INPP4B: variants seen among roughly 807,000 people sequenced by gnomAD.
INPP4B encodes the protein inositol polyphosphate-4-phosphatase type II B.
A neutral mutation model predicts 122.5 loss-of-function variants in INPP4B; 55 were observed. The observed-to-expected ratio is 0.45, with a 90% CI of 0.36 to 0.56. The LOEUF (loss-of-function observed/expected upper bound fraction) is 0.56. Ranked by LOEUF, INPP4B falls within the 20% of genes least tolerant of loss-of-function variation. INPP4B has a pLI of 0.00. For synonymous variants in INPP4B, 403 were observed against 388.7 expected (o/e 1.04, Z -0.43); for missense variants, 1,000 against 1,097.7 (o/e 0.91, Z 1.26).
intron 25 of INPP4B, among the ~76,000 whole-genome samples, chr4:142,045,730 T>C (rs1350039994): frequency 6.6e-6 from 1 of 152,126 alleles, no homozygotes; most frequent in Non-Finnish European, 1.5e-5. Flanking sequence ...GTTAGAAAAC[T>C]CATACAGAAT....
At chr4:142,341,827 A>C (rs1778795361) in intron 7 of INPP4B, among the ~76,000 whole-genome samples, 1 of 152,170 alleles carries the variant, frequency 6.6e-6, no homozygotes, top group Non-Finnish European at 1.5e-5. Context: ...GAGACGAGTC[A>C]AAAGCTAGCA....
intron 11 of INPP4B, among the ~76,000 whole-genome samples, chr4:142,242,726 C>A (rs1407205845): frequency 6.6e-6 from 1 of 152,164 alleles, no homozygotes; most frequent in Non-Finnish European, 1.5e-5. Flanking sequence ...ATCGCCTCCT[C>A]CAGGAAGCCT....
intron 23 of INPP4B, among the ~76,000 whole-genome samples, chr4:142,103,854 C>A (rs1033633881): frequency 1.3e-5 from 2 of 151,818 alleles, no homozygotes; most frequent in South Asian, 4.2e-4. Context: ...ATTCTACATA[C>A]CCTCATTACA....
At chr4:142,642,321 T>A (rs1467370119) in intron 2 of INPP4B, among the ~76,000 whole-genome samples, 1 of 152,198 alleles carries the variant, frequency 6.6e-6, no homozygotes, top group Admixed American at 6.5e-5. Flanking sequence ...CTTTTGGTGT[T>A]TTAGACATGA....
intron 2 of INPP4B, among the ~76,000 whole-genome samples, chr4:142,614,616 G>T (rs1276319327): frequency 6.6e-6 from 1 of 151,782 alleles, no homozygotes; most frequent in Non-Finnish European, 1.5e-5. Context: ...CAACCTACAG[G>T]ATTAGTGAAA....
intron 1 of INPP4B, among the ~76,000 whole-genome samples, chr4:142,812,948 T>C (rs1366465861): frequency 2.0e-5 from 3 of 152,226 alleles, no homozygotes; most frequent in Non-Finnish European, 4.4e-5. Context: ...GGCTTTGCTA[T>C]GATCAACATT....
rs1346181056 is a variant in INPP4B at position 142,027,720 on chromosome 4, A to T, written c.*1062T>A. The stretch of plus-strand genomic sequence containing the variant: ...TGGTATTATACAAGATGATTTTTTT[A>T]AGGAAACTTCTACTTTGGGATTTTG... On this transcript the variant is annotated 3_prime_UTR_variant, in exon 26 of 26. Coordinates refer to ENST00000262992, the MANE Select transcript of INPP4B (RefSeq NM_001101669.3). The T allele has an allele frequency of 1.3e-5, 2 of 152,804 alleles. No homozygotes were observed. Among genetic ancestry groups the T allele is most frequent in the Non-Finnish European group, 2.9e-5 (2 of 68,392 alleles). 9.5% of individuals were successfully genotyped at this position (152,804 alleles called of 1,614,324 possible). A position where few individuals can be genotyped will look rare whatever the true frequency, so the allele number is the denominator to read the frequency against.
At chr4:142,676,693 T>C (rs1157768308) in intron 2 of INPP4B, among the ~76,000 whole-genome samples, 1 of 152,100 alleles carries the variant, frequency 6.6e-6, no homozygotes, top group African/African-American at 2.4e-5. Context: ...ACCACACATC[T>C]ACAACCATCT....
intron 17 of INPP4B, among the ~76,000 whole-genome samples, chr4:142,151,643 A>G (rs920152929): frequency 2.6e-5 from 4 of 152,040 alleles, no homozygotes; most frequent in Non-Finnish European, 5.9e-5. Context: ...TTCATTGATC[A>G]CCCTCCTCTT....
chr4:142,074,033 C>T (rs1769087575), intron 25 of INPP4B, among the ~76,000 whole-genome samples: 1 of 152,028 alleles, frequency 6.6e-6, no homozygotes, highest in East Asian at 1.9e-4. Context: ...ATGTCACAGG[C>T]TCCTGTCATA....
chr4:142,731,716 T>G (rs1469298701), intron 1 of INPP4B, among the ~76,000 whole-genome samples: 2 of 152,064 alleles, frequency 1.3e-5, no homozygotes, highest in East Asian at 3.8e-4. Context: ...AATAGAAGCA[T>G]TAGGACTAGC....
At chr4:142,154,548 T>G (rs941104330) in intron 17 of INPP4B, among the ~76,000 whole-genome samples, 8 of 152,080 alleles carry the variant, frequency 5.3e-5, no homozygotes, top group Non-Finnish European at 1.0e-4. Flanking sequence ...TGCAGATGGC[T>G]AGAATAGTCA....
intron 7 of INPP4B, among the ~76,000 whole-genome samples, chr4:142,351,483 A>G (rs1442150288): frequency 2.0e-5 from 3 of 151,980 alleles, no homozygotes; most frequent in Admixed American, 1.3e-4. Context: ...CAATCACCCT[A>G]TAGGGGCTGT....
intron 1 of INPP4B, among the ~76,000 whole-genome samples, chr4:142,775,721 A>T (rs1194353816): frequency 6.6e-6 from 1 of 152,022 alleles, no homozygotes; most frequent in East Asian, 1.9e-4. Context: ...TGTCCATTTA[A>T]AAAATCAGAT....
chr4:142,630,918 C>T (rs1260931575), intron 2 of INPP4B, among the ~76,000 whole-genome samples: 11 of 152,078 alleles, frequency 7.2e-5, no homozygotes, highest in African/African-American at 2.7e-4. Context: ...TTCAAGCCAT[C>T]ATACCTAGAA....
intron 2 of INPP4B, among the ~76,000 whole-genome samples, chr4:142,628,471 G>T (rs1272456809): frequency 7.5e-6 from 1 of 132,812 alleles, no homozygotes; most frequent in African/African-American, 2.8e-5. Context: ...TAGATGACGA[G>T]TTAGTGGGTG....
chr4:142,407,833 T>C (rs1803759692), intron 5 of INPP4B, among the ~76,000 whole-genome samples: 1 of 152,166 alleles, frequency 6.6e-6, no homozygotes, highest in South Asian at 2.1e-4. Flanking sequence ...CTCATCTATC[T>C]ACCTACCTCT....
intron 9 of INPP4B, among the ~76,000 whole-genome samples, chr4:142,294,108 G>T (rs13141901): frequency 0.098 from 14,878 of 152,008 alleles, 853 homozygotes; most frequent in South Asian, 0.22. Flanking sequence ...CGCTATTCAG[G>T]GGATGGTTAC....
Position 142,429,213 on chromosome 4 carries a change from G to C in INPP4B, c.96C>G (p.Ile32Met), listed in dbSNP as rs1808759810. 1 of 1,550,784 alleles carries C rather than the reference G, an allele frequency of 6.4e-7. No homozygotes were observed. ...ACTGCGGTTCATTTGGAGTCTTCTG[G>C]ATACCTATAAATAATAGGAGCAAAT... ...NDPGDCQFTS[I>M]QKTPNEPQLE... The change falls in exon 5 of 26, where the codon ATC becomes ATG. Residue 32 changes from isoleucine (I) to methionine (M), a missense_variant. Coordinates refer to ENST00000262992, the MANE Select transcript of INPP4B (RefSeq NM_001101669.3).
Sources: allele counts gnomAD v4.1 joint callset (sites outside exome capture counted in the v4.1 genomes callset), GRCh38; gene constraint gnomAD v4.1.1; transcripts MANE v1.5; gene names NCBI Gene and HGNC (gene_info 2026-07-23, HGNC 2026-07-21).